Variants in NELL1 observed in about 807,000 individuals in gnomAD.
The protein encoded by NELL1 is neural EGFL like 1.
Under a neutral mutation model 107.4 loss-of-function variants are expected in NELL1, and 76 were observed. The ratio of observed to expected loss-of-function variants is 0.71; its 90% confidence interval spans 0.59 to 0.86. The LOEUF is 0.86. Among genes scored for constraint, NELL1 ranks in the 40% least tolerant of loss-of-function variants. The probability of loss-of-function intolerance (pLI) is 0.00; values close to 1 mark genes in which losing one functional copy is unlikely to be tolerated. For synonymous variants in NELL1, 353 were observed against 341.2 expected (o/e 1.03, Z -0.38); for missense variants, 1,024 against 1,005.5 (o/e 1.02, Z -0.25).
intron 13 of NELL1, among the ~76,000 whole-genome samples, chr11:21,200,287 C>T (rs1000272727): frequency 3.9e-5 from 6 of 152,164 alleles, no homozygotes; most frequent in Admixed American, 6.5e-5. Context: ...TCCTATTTCT[C>T]CACATCCTCT....
intron 15 of NELL1, among the ~76,000 whole-genome samples, chr11:21,493,422 A>G (rs1292061110): frequency 6.6e-6 from 1 of 152,106 alleles, no homozygotes; most frequent in African/African-American, 2.4e-5. Flanking sequence ...GAATGAAATC[A>G]TGTAATTTGA....
At chr11:21,485,197 C>T (rs572943861) in intron 15 of NELL1, among the ~76,000 whole-genome samples, 1 of 152,108 alleles carries the variant, frequency 6.6e-6, no homozygotes, top group Non-Finnish European at 1.5e-5. Flanking sequence ...GATTTCCAAA[C>T]CCTGAGCAGC....
chr11:21,558,958 T>C (rs1856787225), intron 16 of NELL1, among the ~76,000 whole-genome samples: 1 of 152,050 alleles, frequency 6.6e-6, no homozygotes, highest in African/African-American at 2.4e-5. Context: ...TGAGGAGATA[T>C]AGTGAGGCTT....
intron 14 of NELL1, among the ~76,000 whole-genome samples, chr11:21,360,900 T>A (rs1488134140): frequency 6.6e-6 from 1 of 152,172 alleles, no homozygotes; most frequent in African/African-American, 2.4e-5. Context: ...TTGGTGGACT[T>A]CTATCCATTC....
At chr11:21,352,238 C>T (rs1005128287) in intron 14 of NELL1, among the ~76,000 whole-genome samples, 1 of 152,012 alleles carries the variant, frequency 6.6e-6, no homozygotes, top group Non-Finnish European at 1.5e-5. Flanking sequence ...TAGTTTTTCC[C>T]GTATCGCTTA....
chr11:21,335,421 A>G (rs756492697), intron 14 of NELL1, among the ~76,000 whole-genome samples: 7 of 152,042 alleles, frequency 4.6e-5, no homozygotes, highest in Non-Finnish European at 8.8e-5. Flanking sequence ...GGAAAAAGCT[A>G]TGACTGAGGA....
intron 2 of NELL1, among the ~76,000 whole-genome samples, chr11:20,761,983 CT>C (rs1856431326): frequency 6.6e-6 from 1 of 152,178 alleles, no homozygotes; most frequent in Admixed American, 6.5e-5. Flanking sequence ...GGGAGAGAAC[CT>C]TGTGAGTGCC....
chr11:20,690,987 G>A (rs2133866156), intron 2 of NELL1, among the ~76,000 whole-genome samples: 1 of 152,174 alleles, frequency 6.6e-6, no homozygotes, highest in Non-Finnish European at 1.5e-5. Flanking sequence ...TCTCCTTGAA[G>A]AGGTCCTTCA....
chr11:21,246,917 G>A (rs1421716026), intron 14 of NELL1, among the ~76,000 whole-genome samples: 1 of 152,118 alleles, frequency 6.6e-6, no homozygotes, highest in Non-Finnish European at 1.5e-5. Flanking sequence ...AGAACAGTAT[G>A]GGGGAACCGC....
intron 17 of NELL1, among the ~76,000 whole-genome samples, chr11:21,565,436 A>G (rs1378049457): frequency 6.6e-6 from 1 of 151,810 alleles, no homozygotes. Context: ...TTGCACCAGA[A>G]TCACCTGCAG....
chr11:20,967,117 T>G (rs2134223769), intron 12 of NELL1, among the ~76,000 whole-genome samples: 1 of 152,248 alleles, frequency 6.6e-6, no homozygotes, highest in South Asian at 2.1e-4. Flanking sequence ...ATGCAGAAAT[T>G]TTAGTTATTT....
At chr11:21,484,532 A>G (rs1854578180) in intron 15 of NELL1, among the ~76,000 whole-genome samples, 1 of 152,052 alleles carries the variant, frequency 6.6e-6, no homozygotes. Flanking sequence ...ATGCACACTC[A>G]TAAGAATATA....
intron 2 of NELL1, among the ~76,000 whole-genome samples, chr11:20,712,994 G>T (rs1047799071): frequency 6.6e-5 from 10 of 152,204 alleles, no homozygotes; most frequent in Admixed American, 1.3e-4. Context: ...CAGGACCTCT[G>T]GTTAGCTAGG....
chr11:20,775,047 G>A (rs928552327), intron 2 of NELL1, among the ~76,000 whole-genome samples: 9 of 152,154 alleles, frequency 5.9e-5, no homozygotes, highest in African/African-American at 2.2e-4. Context: ...TCTTTTGTAG[G>A]ATGTCCTTCT....
intron 4 of NELL1, among the ~76,000 whole-genome samples, chr11:20,868,009 G>A (rs1294719924): frequency 1.3e-5 from 2 of 152,172 alleles, no homozygotes; most frequent in African/African-American, 2.4e-5. Context: ...AGAGGATGTC[G>A]AAAAGGACCG....
intron 15 of NELL1, among the ~76,000 whole-genome samples, chr11:21,501,435 T>C (rs1405269977): frequency 6.6e-6 from 1 of 152,190 alleles, no homozygotes; most frequent in Non-Finnish European, 1.5e-5. Context: ...AGATTTCACA[T>C]TAGCATGTTT....
At chr11:21,225,788 A>G (rs1177982484) in intron 13 of NELL1, among the ~76,000 whole-genome samples, 3 of 152,170 alleles carry the variant, frequency 2.0e-5, no homozygotes, top group Admixed American at 1.3e-4. Flanking sequence ...ACAATCAAAT[A>G]CCTAACACTT....
chr11:21,032,114 C>T (rs1331427743), intron 12 of NELL1, among the ~76,000 whole-genome samples: 4 of 150,354 alleles, frequency 2.7e-5, no homozygotes, highest in South Asian at 4.3e-4. Flanking sequence ...GAAAACAATC[C>T]GTGTGGCTAC....
intron 10 of NELL1, among the ~76,000 whole-genome samples, chr11:20,939,257 C>T (rs1379738397): frequency 6.6e-6 from 1 of 151,926 alleles, no homozygotes; most frequent in Non-Finnish European, 1.5e-5. Flanking sequence ...ATACCAGTTT[C>T]TGTTTTCCCA....
Sources: gnomAD v4.1 joint callset for allele counts (sites outside exome capture counted in the v4.1 genomes callset) on GRCh38, gnomAD v4.1.1 for gene constraint, MANE v1.5 for transcripts, NCBI Gene and HGNC (gene_info 2026-07-23, HGNC 2026-07-21) for gene names.